Variants in GRM8 observed in about 807,000 individuals in gnomAD.
GRM8 encodes metabotropic glutamate receptor 8.
A neutral mutation model predicts 87.2 loss-of-function variants in GRM8; 47 were observed. The ratio of observed to expected loss-of-function variants is 0.54; its 90% CI spans 0.43 to 0.69. The LOEUF is 0.69. Among genes scored for constraint, GRM8 ranks in the 30% least tolerant of loss-of-function variants. The pLI, the probability that GRM8 is intolerant of heterozygous loss-of-function variation, is 0.00. For missense variants in GRM8, 1,019 were observed against 1,139.2 expected (o/e 0.89, Z 1.52); for synonymous variants, 396 against 404.5 (o/e 0.98, Z 0.25).
chr7:126,688,572 A>G (rs2151359688), intron 7 of GRM8, among the ~76,000 whole-genome samples: 1 of 152,292 alleles, frequency 6.6e-6, no homozygotes, highest in Non-Finnish European at 1.5e-5. Flanking sequence ...AGTAGAGCTG[A>G]GCTAGATGGC....
rs138083998 is a variant in GRM8 at position 126,572,365 on chromosome 7, C to G, written c.1494+36997G>C. ...AGAGAAGATTTGTATGGTATAATATCTATAAAATAATACAAAGAAATATTC... is the reference window on the plus strand; with the variant it reads ...AGAGAAGATTTGTATGGTATAATATGTATAAAATAATACAAAGAAATATTC... On this transcript the variant is annotated intron_variant, in intron 8 of 10. Coordinates refer to ENST00000339582, the MANE Select transcript of GRM8 (RefSeq NM_000845.3). 4.9e-4 allele frequency among the ~76,000 whole-genome samples: 74 copies of G among 152,194 alleles called. No homozygotes were observed. The East Asian group carries it at 8.3e-3, about 17-fold the overall frequency.
In GRM8 at chr7:127,044,689, C is replaced by T. The variant is rs185577298; in HGVS notation, c.727+61807G>A. Among the ~76,000 whole-genome samples, 11 of 152,130 alleles carry T rather than the reference C, an allele frequency of 7.2e-5. No individual in the cohort carries two copies. In the East Asian group the frequency reaches 1.7e-3, roughly 24 times the overall value. ...CTGTCCAGCCAGGGATGGTGTCAGG[C>T]AGGCTGAGGGCAATATAATGATTTT... On this transcript the variant is annotated intron_variant, in intron 3 of 10. Transcript: ENST00000339582.
intron 1 of GRM8, among the ~76,000 whole-genome samples, chr7:127,245,369 T>A (rs1262805166): frequency 6.6e-6 from 1 of 152,228 alleles, no homozygotes; most frequent in Non-Finnish European, 1.5e-5. Flanking sequence ...GAGAAATGTC[T>A]AGGGGGAGTG....
At chr7:126,998,649 G>T (rs1221653770) in intron 3 of GRM8, among the ~76,000 whole-genome samples, 2 of 151,416 alleles carry the variant, frequency 1.3e-5, no homozygotes, top group East Asian at 3.9e-4. Flanking sequence ...AAGAAAAAAA[G>T]TTCTTCCATT....
intron 9 of GRM8, among the ~76,000 whole-genome samples, chr7:126,472,487 G>T (rs1805392536): frequency 6.6e-6 from 1 of 152,080 alleles, no homozygotes; most frequent in Admixed American, 6.6e-5. Context: ...GCCCTTAAAA[G>T]CATTCAGTTT....
intron 3 of GRM8, among the ~76,000 whole-genome samples, chr7:126,920,149 C>T (rs1804363096): frequency 6.6e-6 from 1 of 152,064 alleles, no homozygotes; most frequent in Non-Finnish European, 1.5e-5. Context: ...TCTCTGTCTC[C>T]ATTCACCGTG....
chr7:127,112,725 C>T (rs1305128331), intron 2 of GRM8, among the ~76,000 whole-genome samples: 4 of 152,072 alleles, frequency 2.6e-5, no homozygotes, highest in Admixed American at 6.6e-5. Flanking sequence ...TTCAAATCAC[C>T]GAAGTGCCGC....
chr7:127,123,663 A>G lies in GRM8; in HGVS notation c.511-16951T>C, dbSNP rs143935321. Reference sequence around the variant, plus strand: ...AGGTATTCCTTTATAGCCATACAAAATGAACTAAGACAACTTTATTATTCT... The same window carrying G: ...AGGTATTCCTTTATAGCCATACAAAGTGAACTAAGACAACTTTATTATTCT... On this transcript the variant is annotated intron_variant, in intron 2 of 10. Transcript: ENST00000339582. Among the ~76,000 whole-genome samples, 4 of 152,308 alleles carry G rather than the reference A, an allele frequency of 2.6e-5. No individual in the cohort carries two copies. In the East Asian group the frequency reaches 7.7e-4, roughly 29 times the overall value.
intron 2 of GRM8, among the ~76,000 whole-genome samples, chr7:127,110,866 T>A (rs966564577): frequency 6.6e-6 from 1 of 152,172 alleles, no homozygotes; most frequent in Non-Finnish European, 1.5e-5. Flanking sequence ...CAAAAGGGGA[T>A]AGCAGGCTCT....
At chr7:126,567,934 T>G (rs148040839) in intron 8 of GRM8, among the ~76,000 whole-genome samples, 2 of 152,280 alleles carry the variant, frequency 1.3e-5, no homozygotes, top group Non-Finnish European at 2.9e-5. Flanking sequence ...TGAGGATTGC[T>G]GTCCTAAATG....
At chr7:126,761,252 T>C (rs1166935147) in intron 7 of GRM8, among the ~76,000 whole-genome samples, 1 of 151,358 alleles carries the variant, frequency 6.6e-6, no homozygotes, top group African/African-American at 2.4e-5. Flanking sequence ...GTCAAGTTGA[T>C]ATATCAATAG....
chr7:126,706,897 A>G (rs7784073), intron 7 of GRM8, among the ~76,000 whole-genome samples: 102,263 of 152,030 alleles, frequency 0.67, 35,270 homozygotes, highest in African/African-American at 0.84. Flanking sequence ...CATGTCTACC[A>G]CAAAGGTAGA....
intron 3 of GRM8, among the ~76,000 whole-genome samples, chr7:127,020,189 G>T (rs1351734030): frequency 6.6e-6 from 1 of 152,058 alleles, no homozygotes; most frequent in African/African-American, 2.4e-5. Flanking sequence ...TTTTCAAAAG[G>T]CTAGTAAGTT....
chr7:126,578,167 T>C (rs564908454), intron 8 of GRM8, among the ~76,000 whole-genome samples: 4 of 152,316 alleles, frequency 2.6e-5, no homozygotes, highest in Middle Eastern at 6.8e-3. Flanking sequence ...CCCATCATAA[T>C]GGGTTGATTG....
chr7:126,903,860 T>G, intron 5 of GRM8, 112 bp downstream of exon 5: 1 of 529,554 alleles, frequency 1.9e-6, no homozygotes. Context: ...AAGCTAAAAT[T>G]TGTATCAAGT....
intron 7 of GRM8, among the ~76,000 whole-genome samples, chr7:126,686,063 A>G (rs1460524874): frequency 6.6e-6 from 1 of 151,656 alleles, no homozygotes; most frequent in Non-Finnish European, 1.5e-5. Context: ...AGCTGCAGAG[A>G]GGAGCTGCCC....
chr7:126,481,519 T>C (rs948554339), intron 9 of GRM8, among the ~76,000 whole-genome samples: 4 of 152,008 alleles, frequency 2.6e-5, no homozygotes, highest in Non-Finnish European at 5.9e-5. Context: ...GATACAAAGA[T>C]AAGAGTGTAT....
intron 2 of GRM8, among the ~76,000 whole-genome samples, chr7:127,137,309 T>C (rs1226970795): frequency 6.6e-6 from 1 of 152,082 alleles, no homozygotes; most frequent in Admixed American, 6.6e-5. Context: ...AATAAATGCC[T>C]AGTAATGTGG....
intron 7 of GRM8, among the ~76,000 whole-genome samples, chr7:126,647,945 A>G (rs1803348941): frequency 6.6e-6 from 1 of 152,200 alleles, no homozygotes; most frequent in Admixed American, 6.5e-5. Context: ...GTGCCATTGT[A>G]CATTGGAAGA....
Sources: gnomAD v4.1 joint callset for allele counts (sites outside exome capture counted in the v4.1 genomes callset) on GRCh38, gnomAD v4.1.1 for gene constraint, MANE v1.5 for transcripts, NCBI Gene and HGNC (gene_info 2026-07-23, HGNC 2026-07-21) for gene names.